The following MMP15 variants were observed in gnomAD, a reference collection of about 807,000 sequenced individuals.
MMP15 encodes the protein matrix metalloproteinase-15.
Under a neutral mutation model 65.0 loss-of-function variants are expected in MMP15, and 36 were observed. That is an observed-to-expected ratio of 0.55 (90% CI 0.42 to 0.73). MMP15 has a LOEUF of 0.73. MMP15 is among the 30% of genes least tolerant of loss of function. The pLI is 0.00. For missense variants in MMP15, 870 were observed against 987.8 expected, an observed-to-expected ratio of 0.88 and a Z score of 1.60; for synonymous variants, 428 against 410.2, an observed-to-expected ratio of 1.04 and a Z score of -0.52.
chr16:58,045,006 G>A lies in MMP15; in HGVS notation c.1571-1G>A, dbSNP rs1439598779. The A allele has an allele frequency of 6.2e-7, 1 of 1,613,306 alleles. No individual in the cohort carries two copies. The highest frequency in any genetic ancestry group is 2.2e-5 in the East Asian group (1 of 44,888). On this transcript the variant is annotated splice_acceptor_variant, in intron 9 of 9. Coordinates refer to ENST00000219271, the MANE Select transcript of MMP15 (RefSeq NM_002428.4). LOFTEE classifies it high-confidence loss of function. ...CCACTCTGGCCTCCTTGCCCCTGCA[G>A]CCTACACCTACTTCTACAAGGGCAC... is the stretch of plus-strand genomic sequence containing the variant.
intron 1 of MMP15, among the ~76,000 whole-genome samples, chr16:58,037,085 A>C (rs1308256503): frequency 6.6e-6 from 1 of 152,238 alleles, no homozygotes; most frequent in Admixed American, 6.5e-5. Flanking sequence ...GGGAGAGTGC[A>C]TCAGGCAGCA....
chr16:58,028,125 CAG>C (rs1963848410), intron 1 of MMP15, among the ~76,000 whole-genome samples: 1 of 152,150 alleles, frequency 6.6e-6, no homozygotes, highest in Non-Finnish European at 1.5e-5. Flanking sequence ...GCCAGGAGCT[CAG>C]GGGTGCAGGG....
At position 58,040,573 on chromosome 16, in the gene MMP15, G is replaced by A; in HGVS notation, c.785G>A (p.Gly262Asp). 6.2e-7 allele frequency: 1 copy of A among 1,613,900 alleles called. No homozygotes were observed. Among genetic ancestry groups the A allele is most frequent in the Non-Finnish European group, 8.5e-7 (1 of 1,180,026 alleles). Residue 262 changes from glycine (G) to aspartate (D), a missense_variant, in exon 5 of 10, where the codon GGC (glycine) becomes GAC (aspartate). Physicochemically the swap from Gly to Asp is moderately conservative, Grantham distance 94. Coordinates refer to ENST00000219271, the MANE Select transcript of MMP15 (RefSeq NM_002428.4). Reference sequence around the variant, plus strand: ...TTCCTGGTGGCAGTGCATGAGCTGGGCCACGCGCTGGGGCTGGAGCACTCC... The same window carrying A: ...TTCCTGGTGGCAGTGCATGAGCTGGACCACGCGCTGGGGCTGGAGCACTCC... ...NLFLVAVHEL[G>D]HALGLEHSSN...
intron 1 of MMP15, among the ~76,000 whole-genome samples, chr16:58,036,936 A>T (rs1257026165): frequency 6.6e-6 from 1 of 152,256 alleles, no homozygotes; most frequent in Non-Finnish European, 1.5e-5. Context: ...CAGATGGGTG[A>T]TAAGCATGGG....
chr16:58,042,778 G>A (rs1959482345), intron 7 of MMP15, among the ~76,000 whole-genome samples: 1 of 152,208 alleles, frequency 6.6e-6, no homozygotes, highest in Non-Finnish European at 1.5e-5. Context: ...TAACCCCACT[G>A]TCCTGAGCTT....
At position 58,045,529 on chromosome 16, in the gene MMP15, A is replaced by G. The variant is rs1959549173; in HGVS notation, c.*83A>G. 1 of 1,236,318 alleles carries G rather than the reference A, an allele frequency of 8.1e-7. No homozygotes were observed. Among genetic ancestry groups the G allele is most frequent in the Non-Finnish European group, 1.1e-6 (1 of 914,796 alleles). The allele number at this position is 1,236,318 out of a possible 1,614,324, so 76.6% of individuals were successfully genotyped here. On this transcript the variant is annotated 3_prime_UTR_variant, in exon 10 of 10. Coordinates refer to ENST00000219271, the MANE Select transcript of MMP15 (RefSeq NM_002428.4). The stretch of plus-strand genomic sequence containing the variant: ...CCAGGGGCTCCCTCCGCCCCCAGGT[A>G]GGGGCCCCTCTCAGCCCTCACACAC...
At chr16:58,035,681 G>T (rs569220748) in intron 1 of MMP15, among the ~76,000 whole-genome samples, 2 of 152,310 alleles carry the variant, frequency 1.3e-5, no homozygotes, top group East Asian at 1.9e-4. Context: ...CCAAGCCAGG[G>T]TCTGCCTAGC....
At chr16:58,027,071 C>T (rs373317994) in intron 1 of MMP15, among the ~76,000 whole-genome samples, 26 of 152,358 alleles carry the variant, frequency 1.7e-4, no homozygotes, top group African/African-American at 6.3e-4. Flanking sequence ...GCTGAGGCAG[C>T]GGACTCGGGT....
chr16:58,038,247 C>G lies in MMP15; in HGVS notation c.312-19C>G. 1 of 1,613,062 alleles carries G rather than the reference C, an allele frequency of 6.2e-7. No homozygotes were observed. Among genetic ancestry groups the G allele is most frequent in the Non-Finnish European group, 8.5e-7 (1 of 1,179,630 alleles). Reference sequence around the variant, plus strand: ...TGGAGGGGAGGCTCCGTGCTCACCCCTCTGTGTCCATGTCCCAGGTGGATG... The same window carrying G: ...TGGAGGGGAGGCTCCGTGCTCACCCGTCTGTGTCCATGTCCCAGGTGGATG... On this transcript the variant is annotated intron_variant, in intron 2 of 9. Transcript: ENST00000219271.
chr16:58,037,431 C>T (rs1291224744), intron 1 of MMP15, 41 bp from the exon 2 acceptor site: 2 of 1,602,522 alleles, frequency 1.2e-6, no homozygotes, highest in South Asian at 1.1e-5. Flanking sequence ...TTGGAGGTAG[C>T]AGTGCCAGGA....
chr16:58,038,450 A>T (rs1959381216), intron 3 of MMP15, 56 bp downstream of exon 3: 4 of 1,604,830 alleles, frequency 2.5e-6, no homozygotes, highest in Non-Finnish European at 3.4e-6. Flanking sequence ...CGAGCCTCAG[A>T]CCTCCTTTCC....
In MMP15 at chr16:58,037,530, G is replaced by A. The variant is rs760363930; in HGVS notation, c.221G>A (p.Arg74His). ...PQPSRHMSTM[R>H]SAQILASALA... is the part of the protein sequence containing the mutation. ...CCCAGCCGCCATATGTCCACCATGC[G>A]TTCCGCCCAGATCTTGGCCTCGGCC... The change falls in exon 2 of 10, where the codon CGT becomes CAT. Residue 74 changes from arginine to histidine, a missense_variant. Arg to His is a conservative substitution (Grantham distance 29). Transcript: ENST00000219271. The A allele has an allele frequency of 5.0e-5, 80 of 1,614,066 alleles. 3 individuals carry two copies. Among genetic ancestry groups the A allele is most frequent in the South Asian group, 4.1e-4 (37 of 91,090 alleles).
At chr16:58,034,350 C>T (rs1010948582) in intron 1 of MMP15, among the ~76,000 whole-genome samples, 1 of 152,052 alleles carries the variant, frequency 6.6e-6, no homozygotes. Flanking sequence ...GCACCTCTGG[C>T]CCCACCCCCG....
At position 58,042,275 on chromosome 16, in the gene MMP15, C is replaced by G; in HGVS notation, c.1209C>G (p.Asn403Lys). 1 of 1,614,228 alleles carries G rather than the reference C, an allele frequency of 6.2e-7. No homozygotes were observed. Among genetic ancestry groups the G allele is most frequent in the Non-Finnish European group, 8.5e-7 (1 of 1,180,042 alleles). Residue 403 changes from asparagine to lysine, a missense_variant, in exon 7 of 10, where the codon AAC becomes AAG. Coordinates refer to ENST00000219271, the MANE Select transcript of MMP15 (RefSeq NM_002428.4). ...TCCGGCACAACCGCGTCCTGGACAACTATCCCATGCCCATCGGGCACTTCT... is the reference window on the plus strand; with the variant it reads ...TCCGGCACAACCGCGTCCTGGACAAGTATCCCATGCCCATCGGGCACTTCT... Reference protein sequence around the residue: ...WRVRHNRVLDNYPMPIGHFWR... With the variant: ...WRVRHNRVLDKYPMPIGHFWR...
Position 58,027,150 on chromosome 16 carries a change from A to C in MMP15, c.162+638A>C, listed in dbSNP as rs373554285. ...CTAGGCACGCCCGGGCGGGGTCCTA[A>C]GGACGGACCCTGCCTCCCACAGCGC... On this transcript the variant is annotated intron_variant, in intron 1 of 9. Coordinates refer to ENST00000219271, the MANE Select transcript of MMP15 (RefSeq NM_002428.4). Among the ~76,000 whole-genome samples the C allele has an allele frequency of 8.8e-4, 134 of 152,324 alleles. 2 individuals carry two copies. The East Asian group carries it at 0.025, about 28-fold the overall frequency.
At chr16:58,027,294 C>T (rs1963836074) in intron 1 of MMP15, among the ~76,000 whole-genome samples, 1 of 152,340 alleles carries the variant, frequency 6.6e-6, no homozygotes, top group African/African-American at 2.4e-5. Context: ...ATGGGTCCCG[C>T]GGGTGACCAG....
intron 1 of MMP15, among the ~76,000 whole-genome samples, chr16:58,035,453 G>A (rs1247269018): frequency 6.6e-6 from 1 of 152,204 alleles, no homozygotes; most frequent in African/African-American, 2.4e-5. Flanking sequence ...CAAGGAGGCC[G>A]AAGGCTGCCT....
At chr16:58,036,895 A>G (rs928628104) in intron 1 of MMP15, among the ~76,000 whole-genome samples, 2 of 152,256 alleles carry the variant, frequency 1.3e-5, no homozygotes, top group Non-Finnish European at 2.9e-5. Flanking sequence ...GAAGACAAAT[A>G]GCAAACACCT....
Position 58,026,500 on chromosome 16 carries a change from G to A in MMP15, c.150G>A (p.Glu50=). ...TTGGCGTAGCGGCCGAAGACGCGGA[G>A]GTCCATGCCGAGGTAAGACCCCCGC... The part of the protein sequence containing the change: ...LGLGVAAEDA[E]VHAENWLRLY... Residue 50 remains glutamate (E), a synonymous_variant, in exon 1 of 10, where the codon GAG becomes GAA. Transcript: ENST00000219271. 7.3e-7 allele frequency: 1 copy of A among 1,361,904 alleles called. No homozygotes were observed. Among genetic ancestry groups the A allele is most frequent in the Non-Finnish European group, 9.5e-7 (1 of 1,055,308 alleles). 84.4% of individuals were successfully genotyped at this position (1,361,904 alleles called of 1,614,324 possible). A position where few individuals can be genotyped will look rare whatever the true frequency, so the allele number is the denominator to read the frequency against.
Sources: allele counts gnomAD v4.1 joint callset (sites outside exome capture counted in the v4.1 genomes callset), GRCh38; gene constraint gnomAD v4.1.1; transcripts MANE v1.5; gene names NCBI Gene and HGNC (gene_info 2026-07-23, HGNC 2026-07-21).